DLGAP2: variants seen among roughly 807,000 people sequenced by gnomAD.
DLGAP2 encodes the protein disks large-associated protein 2.
A neutral mutation model predicts 100.3 loss-of-function variants in DLGAP2; 26 were observed. That is an observed-to-expected ratio of 0.26 (90% CI 0.19 to 0.36). DLGAP2 has a LOEUF of 0.36. Among genes scored for constraint, DLGAP2 ranks in the 10% least tolerant of loss-of-function variants. DLGAP2 has a pLI of 1.00. For missense variants in DLGAP2, 1,858 were observed against 1,453.2 expected, an observed-to-expected ratio of 1.28 and a Z score of -4.53; for synonymous variants, 886 against 630.1, an observed-to-expected ratio of 1.41 and a Z score of -6.08.
rs529238859 is a variant in DLGAP2 at position 1,668,543 on chromosome 8, C to G, written c.2025C>G (p.Leu675=). 3.1e-6 allele frequency: 5 copies of G among 1,591,676 alleles called. No homozygotes were observed. Among genetic ancestry groups the G allele is most frequent in the Non-Finnish European group, 3.4e-6 (4 of 1,170,292 alleles). ...TGGACAGCAACAAGGCCATGAACCT[C>G]GCGCTGGAAACGGCCGCTGCCCAGC... ...DSLDSNKAMN[L]ALETAAAQRH... Residue 675 remains leucine, a synonymous_variant, in exon 9 of 15, where the codon CTC becomes CTG. Coordinates refer to ENST00000637795, the MANE Select transcript of DLGAP2 (RefSeq NM_001346810.2).
intron 3 of DLGAP2, among the ~76,000 whole-genome samples, chr8:1,328,394 C>G (rs987799331): frequency 6.6e-6 from 1 of 152,164 alleles, no homozygotes; most frequent in Admixed American, 6.5e-5. Flanking sequence ...TCTTGGCTCA[C>G]TGCAACCTCT....
intron 13 of DLGAP2, among the ~76,000 whole-genome samples, chr8:1,694,734 C>T (rs534698067): frequency 6.6e-6 from 1 of 152,278 alleles, no homozygotes; most frequent in East Asian, 1.9e-4. Flanking sequence ...AAGTTCCTAT[C>T]CAATGGACGC....
chr8:1,455,361 G>A (rs1455938560), intron 3 of DLGAP2, among the ~76,000 whole-genome samples: 1 of 152,248 alleles, frequency 6.6e-6, no homozygotes, highest in African/African-American at 2.4e-5. Flanking sequence ...GGCCGCTGCA[G>A]ACTGAAGTCC....
Position 895,271 on chromosome 8 carries a change from G to A in DLGAP2, c.19-12641G>A, listed in dbSNP as rs368128398. 2.2e-4 allele frequency among the ~76,000 whole-genome samples: 33 copies of A among 152,112 alleles called. No homozygotes were observed. The East Asian group carries it at 4.8e-3, about 22-fold the overall frequency. On this transcript the variant is annotated intron_variant, in intron 1 of 14. Coordinates refer to ENST00000637795, the MANE Select transcript of DLGAP2 (RefSeq NM_001346810.2). ...GTATGCAGGACGGATACATCATATC[G>A]GACTCCATAAGTATACACAGTCATT...
chr8:1,449,305 G>C (rs1055787989), intron 3 of DLGAP2, among the ~76,000 whole-genome samples: 1 of 152,186 alleles, frequency 6.6e-6, no homozygotes, highest in Non-Finnish European at 1.5e-5. Flanking sequence ...GGGCCATGAT[G>C]GACTAAAGAG....
intron 4 of DLGAP2, among the ~76,000 whole-genome samples, chr8:1,532,154 G>A (rs959382549): frequency 3.9e-5 from 6 of 152,124 alleles, no homozygotes; most frequent in African/African-American, 1.2e-4. Flanking sequence ...AGAGTGGGAG[G>A]CAGGTTTGCC....
intron 3 of DLGAP2, among the ~76,000 whole-genome samples, chr8:1,419,730 G>A (rs1345093147): frequency 1.3e-5 from 2 of 152,216 alleles, no homozygotes; most frequent in Non-Finnish European, 2.9e-5. Context: ...TAGCAAGGAT[G>A]TGGAGAAGGG....
intron 12 of DLGAP2, among the ~76,000 whole-genome samples, chr8:1,685,366 G>A (rs1236931974): frequency 1.3e-5 from 2 of 152,234 alleles, no homozygotes; most frequent in Non-Finnish European, 1.5e-5. Context: ...TCTGAGCACA[G>A]CAGATGCCTG....
intron 2 of DLGAP2, among the ~76,000 whole-genome samples, chr8:1,197,579 C>A (rs1797778546): frequency 6.6e-6 from 1 of 152,194 alleles, no homozygotes; most frequent in South Asian, 2.1e-4. Flanking sequence ...CACCAGCTGT[C>A]CACCTAAACC....
chr8:1,701,087 C>A, intron 14 of DLGAP2, 101 bp from the exon 15 acceptor site: 1 of 1,083,232 alleles, frequency 9.2e-7, no homozygotes, highest in Non-Finnish European at 1.3e-6. Flanking sequence ...CTGGGGGCTG[C>A]GGTCGGGAAG....
At chr8:1,495,277 G>T (rs532684867) in intron 3 of DLGAP2, among the ~76,000 whole-genome samples, 114 of 152,158 alleles carry the variant, frequency 7.5e-4, no homozygotes, top group Non-Finnish European at 1.5e-3. Flanking sequence ...GCCAGTGCCA[G>T]CGTGCCAGGG....
intron 7 of DLGAP2, among the ~76,000 whole-genome samples, chr8:1,628,996 A>G (rs1266405561): frequency 6.6e-6 from 1 of 152,236 alleles, no homozygotes; most frequent in Non-Finnish European, 1.5e-5. Flanking sequence ...AGCCCTTATT[A>G]TTACCATGAT....
chr8:819,974 A>C (rs1267383629), intron 1 of DLGAP2, among the ~76,000 whole-genome samples: 2 of 152,228 alleles, frequency 1.3e-5, no homozygotes, highest in African/African-American at 4.8e-5. Context: ...ACAAATTCAC[A>C]AGATTGTTCA....
intron 1 of DLGAP2, among the ~76,000 whole-genome samples, chr8:860,543 C>T (rs536406119): frequency 9.2e-5 from 14 of 152,334 alleles, no homozygotes; most frequent in Admixed American, 5.2e-4. Flanking sequence ...AAACCGTCTG[C>T]ATTTGCATAA....
intron 3 of DLGAP2, among the ~76,000 whole-genome samples, chr8:1,328,586 G>C (rs1401552081): frequency 2.6e-5 from 4 of 152,098 alleles, no homozygotes; most frequent in Non-Finnish European, 2.9e-5. Context: ...CCTGACCTCA[G>C]GTGATCTGCC....
chr8:891,841 A>G (rs1445451855), intron 1 of DLGAP2, among the ~76,000 whole-genome samples: 2 of 152,202 alleles, frequency 1.3e-5, no homozygotes, highest in Non-Finnish European at 2.9e-5. Flanking sequence ...CATCCCAGCC[A>G]GCCGAGGAGG....
chr8:1,411,467 A>G (rs568880596), intron 3 of DLGAP2, among the ~76,000 whole-genome samples: 1 of 152,340 alleles, frequency 6.6e-6, no homozygotes, highest in South Asian at 2.1e-4. Context: ...TGCCGAAGAT[A>G]TAACTCCATC....
At chr8:964,972 C>T (rs1401663067) in intron 2 of DLGAP2, among the ~76,000 whole-genome samples, 5 of 152,196 alleles carry the variant, frequency 3.3e-5, no homozygotes, top group Admixed American at 6.5e-5. Context: ...GCCCAACCCC[C>T]GCGTGCACAC....
intron 2 of DLGAP2, among the ~76,000 whole-genome samples, chr8:1,153,813 G>C (rs1018585322): frequency 6.6e-5 from 10 of 152,062 alleles, no homozygotes; most frequent in African/African-American, 2.4e-4. Flanking sequence ...CATTTCAGTG[G>C]TAAAATTTCA....
Sources: allele counts gnomAD v4.1 joint callset (sites outside exome capture counted in the v4.1 genomes callset), GRCh38; gene constraint gnomAD v4.1.1; transcripts MANE v1.5; gene names NCBI Gene and HGNC (gene_info 2026-07-23, HGNC 2026-07-21).